Variants in BRINP3 observed in about 807,000 individuals in gnomAD.
The protein encoded by BRINP3 is BMP/retinoic acid-inducible neural-specific protein 3.
Under a neutral mutation model 71.0 loss-of-function variants are expected in BRINP3, and 19 were observed. The observed-to-expected ratio is 0.27, with a 90% CI of 0.19 to 0.39. The LOEUF (loss-of-function observed/expected upper bound fraction) is 0.39. Ranked by LOEUF, BRINP3 falls within the 10% of genes least tolerant of loss-of-function variation. BRINP3 has a pLI of 1.00. For missense variants in BRINP3, 959 were observed against 940.8 expected, an observed-to-expected ratio of 1.02 and a Z score of -0.25; for synonymous variants, 380 against 337.7, an observed-to-expected ratio of 1.13 and a Z score of -1.37.
At chr1:190,208,717 A>G (rs1213849620) in intron 6 of BRINP3, among the ~76,000 whole-genome samples, 1 of 151,698 alleles carries the variant, frequency 6.6e-6, no homozygotes, top group Non-Finnish European at 1.5e-5. Flanking sequence ...CTGGACTCTA[A>G]CTCCTGGACT....
chr1:190,448,810 T>C (rs1246444266), intron 2 of BRINP3, among the ~76,000 whole-genome samples: 1 of 151,942 alleles, frequency 6.6e-6, no homozygotes, highest in African/African-American at 2.4e-5. Flanking sequence ...AGTTTGATAA[T>C]TCTATCATTT....
chr1:190,182,083 T>A (rs1653081279), intron 6 of BRINP3, among the ~76,000 whole-genome samples: 1 of 152,060 alleles, frequency 6.6e-6, no homozygotes, highest in Admixed American at 6.6e-5. Context: ...TACCTATAGG[T>A]AAATGTTGGT....
At chr1:190,400,664 A>C (rs1056012751) in intron 2 of BRINP3, among the ~76,000 whole-genome samples, 2 of 152,152 alleles carry the variant, frequency 1.3e-5, no homozygotes, top group Admixed American at 6.5e-5. Context: ...TATAAGCACC[A>C]TTCTTCTCAT....
At chr1:190,414,991 A>G (rs1672920883) in intron 2 of BRINP3, among the ~76,000 whole-genome samples, 1 of 152,244 alleles carries the variant, frequency 6.6e-6, no homozygotes, top group Non-Finnish European at 1.5e-5. Context: ...GACTATAAAT[A>G]GATTAATTAA....
intron 2 of BRINP3, among the ~76,000 whole-genome samples, chr1:190,421,010 G>C (rs1338256342): frequency 6.6e-6 from 1 of 151,660 alleles, no homozygotes; most frequent in African/African-American, 2.4e-5. Context: ...AGAATTGCAT[G>C]ATTCTCACTT....
intron 2 of BRINP3, among the ~76,000 whole-genome samples, chr1:190,353,679 G>C (rs888517938): frequency 1.3e-5 from 2 of 151,870 alleles, no homozygotes; most frequent in African/African-American, 4.8e-5. Context: ...AAAGGAAGTG[G>C]ATGACACACC....
Position 190,408,203 on chromosome 1 carries a change from A to T in BRINP3, c.236+46452T>A, listed in dbSNP as rs370918362. Among the ~76,000 whole-genome samples the T allele has an allele frequency of 2.0e-3, 289 of 141,376 alleles. 2 individuals carry two copies. The highest frequency in any genetic ancestry group is 7.2e-3 in the African/African-American group (259 of 36,008). 92.7% of individuals were successfully genotyped at this position (141,376 alleles called of 152,430 possible). ...CGCCTGGCTAATTATTTATTTATTT[A>T]TTTTTTTTTTTTTTGTATTTTTAGT... On this transcript the variant is annotated intron_variant, in intron 2 of 7. Transcript: ENST00000367462.
chr1:190,299,333 C>T (rs948660371), intron 2 of BRINP3, among the ~76,000 whole-genome samples: 3 of 151,696 alleles, frequency 2.0e-5, no homozygotes, highest in African/African-American at 7.3e-5. Context: ...AACTTAAGTA[C>T]AATGCTTTCT....
chr1:190,195,706 A>G (rs185883282), intron 6 of BRINP3, among the ~76,000 whole-genome samples: 35 of 152,120 alleles, frequency 2.3e-4, no homozygotes, highest in Middle Eastern at 3.4e-3. Flanking sequence ...ATCTTAACTA[A>G]TTAACATTCT....
At chr1:190,165,218 G>T (rs1484537535) in intron 6 of BRINP3, among the ~76,000 whole-genome samples, 1 of 151,820 alleles carries the variant, frequency 6.6e-6, no homozygotes, top group East Asian at 1.9e-4. Context: ...GATCATTTCT[G>T]ATTTTATATT....
At chr1:190,203,905 T>C (rs535100525) in intron 6 of BRINP3, among the ~76,000 whole-genome samples, 1 of 149,086 alleles carries the variant, frequency 6.7e-6, no homozygotes, top group Admixed American at 6.8e-5. Context: ...ATGATAAACA[T>C]CTATCACAAA....
intron 2 of BRINP3, among the ~76,000 whole-genome samples, chr1:190,366,135 A>T (rs996863990): frequency 6.6e-6 from 1 of 152,076 alleles, no homozygotes; most frequent in Non-Finnish European, 1.5e-5. Flanking sequence ...GTCTCAGTGT[A>T]TTAGTCTGTT....
intron 2 of BRINP3, chr1:190,342,486 G>A (rs1401764580): frequency 6.6e-6 from 1 of 150,872 alleles, no homozygotes; most frequent in Non-Finnish European, 1.5e-5. Flanking sequence ...GCTATTTTAC[G>A]AAGAGTATTG....
chr1:190,387,654 G>T (rs546773711), intron 2 of BRINP3, among the ~76,000 whole-genome samples: 4 of 151,602 alleles, frequency 2.6e-5, no homozygotes, highest in African/African-American at 9.7e-5. Context: ...CTATTTTTCC[G>T]GTTGCTTTTC....
intron 6 of BRINP3, among the ~76,000 whole-genome samples, chr1:190,185,947 T>C (rs1653478201): frequency 6.6e-6 from 1 of 151,960 alleles, no homozygotes; most frequent in Non-Finnish European, 1.5e-5. Context: ...AGGAAAGAGG[T>C]TTGTTTGAGA....
chr1:190,365,835 T>TATATATAC (rs1553303272), intron 2 of BRINP3, among the ~76,000 whole-genome samples: 45 of 136,752 alleles, frequency 3.3e-4, no homozygotes, highest in African/African-American at 9.2e-4. Context: ...TATATATATA[T>TATATATAC]ACACACACAC....
intron 2 of BRINP3, among the ~76,000 whole-genome samples, chr1:190,442,764 G>A (rs1169834730): frequency 6.7e-6 from 1 of 150,306 alleles, no homozygotes; most frequent in African/African-American, 2.5e-5. Context: ...CTTCAAATGT[G>A]TGTGGTTACT....
intron 2 of BRINP3, among the ~76,000 whole-genome samples, chr1:190,399,598 G>C (rs1421585644): frequency 6.6e-6 from 1 of 151,996 alleles, no homozygotes; most frequent in Non-Finnish European, 1.5e-5. Flanking sequence ...GCAGATACAA[G>C]TGAAGCTGCA....
intron 2 of BRINP3, among the ~76,000 whole-genome samples, chr1:190,387,159 C>T (rs1303068313): frequency 6.6e-6 from 1 of 151,840 alleles, no homozygotes; most frequent in East Asian, 1.9e-4. Flanking sequence ...TATCTTATTG[C>T]TGAATCAAAA....
Sources: gnomAD v4.1 joint callset for allele counts (sites outside exome capture counted in the v4.1 genomes callset) on GRCh38, gnomAD v4.1.1 for gene constraint, MANE v1.5 for transcripts, NCBI Gene and HGNC (gene_info 2026-07-23, HGNC 2026-07-21) for gene names.